Variants in DENND1B observed in about 807,000 individuals in gnomAD.
The protein encoded by DENND1B is DENN domain containing 1B, also known as DENN domain-containing protein 1B.
Under a neutral mutation model 90.1 loss-of-function variants are expected in DENND1B, and 59 were observed. That is an observed-to-expected ratio of 0.65 (90% CI 0.53 to 0.81). The LOEUF is 0.81. DENND1B is among the 40% of genes least tolerant of loss of function. The probability of loss-of-function intolerance (pLI) is 0.00; values close to 1 mark genes in which losing one functional copy is unlikely to be tolerated. For synonymous variants in DENND1B, 337 were observed against 324.6 expected (o/e 1.04, Z -0.41); for missense variants, 862 against 912.6 (o/e 0.94, Z 0.71).
At chr1:197,635,673 A>T (rs1417563571) in intron 10 of DENND1B, among the ~76,000 whole-genome samples, 1 of 152,106 alleles carries the variant, frequency 6.6e-6, no homozygotes, top group Non-Finnish European at 1.5e-5. Flanking sequence ...TATCTAATAC[A>T]AGAGCTTGAC....
chr1:197,735,391 T>A (rs1398530260), intron 2 of DENND1B: 12 of 1,399,454 alleles, frequency 8.6e-6, no homozygotes, highest in African/African-American at 2.9e-5. Context: ...AATTTAAAAG[T>A]CCAAGACCTC....
chr1:197,750,362 TAA>T lies in DENND1B; in HGVS notation c.82+22504_82+22505del, dbSNP rs543820396. Reference sequence around the variant, plus strand: ...ACAAAGCCAAGAGAAGAGAAAAGCATAAAATACTAAAAAAAAGAAAAATACAT... The same window carrying T: ...ACAAAGCCAAGAGAAGAGAAAAGCATAATACTAAAAAAAAGAAAAATACAT... On this transcript the variant is annotated intron_variant, in intron 2 of 22. Coordinates refer to ENST00000620048, the MANE Select transcript of DENND1B (RefSeq NM_001195215.2). Among the ~76,000 whole-genome samples, 364 of 151,208 alleles carry T rather than the reference TAA, an allele frequency of 2.4e-3. 3 individuals carry two copies. Among genetic ancestry groups the T allele is most frequent in the African/African-American group, 8.3e-3 (344 of 41,198 alleles).
chr1:197,777,099 GA>G (rs151133986), upstream of DENND1B, among the ~76,000 whole-genome samples: 317 of 149,444 alleles, frequency 2.1e-3, 1 homozygote, highest in African/African-American at 7.4e-3. Context: ...CCAAAGCCTT[GA>G]AAAAAAAAAT....
At chr1:197,692,446 T>C (rs72744914) in intron 3 of DENND1B, among the ~76,000 whole-genome samples, 3,571 of 151,920 alleles carry the variant, frequency 0.024, 126 homozygotes, top group Admixed American at 0.099. Flanking sequence ...CAGTATCAAG[T>C]TCCATAAATC....
intron 10 of DENND1B, 146 bp from the exon 11 acceptor site, chr1:197,617,905 A>G (rs1328828171): frequency 3.2e-6 from 2 of 623,764 alleles, no homozygotes; most frequent in Non-Finnish European, 5.7e-6. Flanking sequence ...TTCTACATGT[A>G]AAAAGTCTTA....
chr1:197,541,097 G>T, intron 18 of DENND1B, 82 bp from the exon 19 acceptor site: 1 of 1,180,444 alleles, frequency 8.5e-7, no homozygotes, highest in Non-Finnish European at 1.2e-6. Flanking sequence ...CAAATTTAAT[G>T]ACAATTACTA....
At chr1:197,568,041 A>G (rs889703063) in intron 15 of DENND1B, among the ~76,000 whole-genome samples, 1 of 143,294 alleles carries the variant, frequency 7.0e-6, no homozygotes, top group Non-Finnish European at 1.5e-5. Flanking sequence ...GAGGGAAGGC[A>G]GGCAGGGAGG....
chr1:197,635,153 A>G (rs966332851), intron 10 of DENND1B, among the ~76,000 whole-genome samples: 52 of 152,368 alleles, frequency 3.4e-4, no homozygotes, highest in African/African-American at 1.1e-3. Context: ...ATACATTTCT[A>G]CTTGACAAAG....
intron 10 of DENND1B, among the ~76,000 whole-genome samples, chr1:197,622,323 T>C (rs1678247109): frequency 6.6e-6 from 1 of 151,378 alleles, no homozygotes; most frequent in Admixed American, 6.6e-5. Flanking sequence ...ATCAAGGCAC[T>C]AAGACAAAGT....
chr1:197,772,822 A>T (rs1162759096), intron 2 of DENND1B, 46 bp downstream of exon 2: 4 of 1,504,572 alleles, frequency 2.7e-6, no homozygotes, highest in Non-Finnish European at 3.6e-6. Flanking sequence ...ATCTTGTCCC[A>T]AAAAAAAGAG....
At chr1:197,653,519 T>TATGGC (rs1403963569) in intron 6 of DENND1B, among the ~76,000 whole-genome samples, 1 of 152,100 alleles carries the variant, frequency 6.6e-6, no homozygotes, top group Non-Finnish European at 1.5e-5. Flanking sequence ...CTGTAAAAGT[T>TATGGC]ACTTAAATAA....
At chr1:197,694,029 G>A (rs1263449329) in intron 3 of DENND1B, among the ~76,000 whole-genome samples, 1 of 151,156 alleles carries the variant, frequency 6.6e-6, no homozygotes, top group Non-Finnish European at 1.5e-5. Context: ...TTATCCTAAA[G>A]TGTATTTCAG....
chr1:197,746,223 T>G (rs868511138), intron 2 of DENND1B, among the ~76,000 whole-genome samples: 1 of 152,084 alleles, frequency 6.6e-6, no homozygotes, highest in South Asian at 2.1e-4. Context: ...AAAACCCGTC[T>G]CTACTAAAAA....
At chr1:197,653,802 T>C (rs1249895269) in intron 6 of DENND1B, among the ~76,000 whole-genome samples, 3 of 152,096 alleles carry the variant, frequency 2.0e-5, no homozygotes, top group African/African-American at 7.2e-5. Context: ...TAAAAGTTAC[T>C]AAATAAAGGA....
chr1:197,721,065 ATTTTTT>A (rs11371047), intron 2 of DENND1B, among the ~76,000 whole-genome samples: 1 of 98,970 alleles, frequency 1.0e-5, no homozygotes, highest in Non-Finnish European at 1.9e-5. Context: ...GAGAAACGGC[ATTTTTT>A]TTTTTTTTTT....
chr1:197,558,966 G>T (rs1228932798), intron 15 of DENND1B, among the ~76,000 whole-genome samples: 1 of 151,876 alleles, frequency 6.6e-6, no homozygotes, highest in East Asian at 1.9e-4. Context: ...CTCCATAGGA[G>T]GCTTCTTTCC....
chr1:197,552,033 T>C (rs768106058), intron 16 of DENND1B, among the ~76,000 whole-genome samples: 3 of 152,138 alleles, frequency 2.0e-5, no homozygotes, highest in Non-Finnish European at 4.4e-5. Context: ...TCTCAATGGT[T>C]TCTATATTTT....
chr1:197,566,391 C>A (rs1335923192), intron 15 of DENND1B, among the ~76,000 whole-genome samples: 1 of 151,838 alleles, frequency 6.6e-6, no homozygotes, highest in African/African-American at 2.4e-5. Context: ...TGGATATTAG[C>A]CCTTTGTCAG....
chr1:197,714,545 G>A (rs1215936883), intron 3 of DENND1B, among the ~76,000 whole-genome samples: 1 of 151,796 alleles, frequency 6.6e-6, no homozygotes, highest in Non-Finnish European at 1.5e-5. Flanking sequence ...TAAAGCTATA[G>A]GTAAGAACTA....
Sources: gnomAD v4.1 joint callset for allele counts (sites outside exome capture counted in the v4.1 genomes callset) on GRCh38, gnomAD v4.1.1 for gene constraint, MANE v1.5 for transcripts, NCBI Gene and HGNC (gene_info 2026-07-23, HGNC 2026-07-21) for gene names.